Variants in ZNF512 observed in about 807,000 individuals in gnomAD.
ZNF512 encodes the protein zinc finger protein 512.
A neutral mutation model predicts 77.5 loss-of-function variants in ZNF512; 25 were observed. The observed-to-expected ratio is 0.32, with a 90% CI of 0.23 to 0.45. The LOEUF (loss-of-function observed/expected upper bound fraction) is 0.45. Ranked by LOEUF, ZNF512 falls within the 20% of genes least tolerant of loss-of-function variation. The pLI, the probability that ZNF512 is intolerant of heterozygous loss-of-function variation, is 1.00. For missense variants in ZNF512, 483 were observed against 692.6 expected (o/e 0.70, Z 3.40); for synonymous variants, 246 against 239.9 (o/e 1.03, Z -0.24).
At chr2:27,586,977 T>A (rs1382372213) in intron 2 of ZNF512, among the ~76,000 whole-genome samples, 1 of 152,234 alleles carries the variant, frequency 6.6e-6, no homozygotes, top group Non-Finnish European at 1.5e-5. Flanking sequence ...GATTGACATT[T>A]GAGTTATTTT....
At chr2:27,610,830 C>T (rs1672626663) in intron 10 of ZNF512, among the ~76,000 whole-genome samples, 2 of 151,594 alleles carry the variant, frequency 1.3e-5, no homozygotes, top group Non-Finnish European at 2.9e-5. Context: ...CCTCGGCCTC[C>T]TGAAGTGCTA....
intron 13 of ZNF512, among the ~76,000 whole-genome samples, chr2:27,618,781 A>G (rs1673002409): frequency 6.6e-6 from 1 of 152,244 alleles, no homozygotes; most frequent in African/African-American, 2.4e-5. Context: ...GTTTTTTAGT[A>G]ATACAGGTGA....
chr2:27,599,557 TG>T, intron 3 of ZNF512, 25 bp from the exon 4 acceptor site: 1 of 1,576,844 alleles, frequency 6.3e-7, no homozygotes, highest in African/African-American at 1.4e-5. Context: ...GCTGAGTTTT[TG>T]TTTTGTTTTT....
intron 7 of ZNF512, among the ~76,000 whole-genome samples, chr2:27,601,938 C>T (rs1430786643): frequency 1.3e-5 from 2 of 152,080 alleles, no homozygotes; most frequent in African/African-American, 2.4e-5. Flanking sequence ...CGTGAGCCAT[C>T]GCGCCCAGAA....
intron 9 of ZNF512, among the ~76,000 whole-genome samples, 167 bp downstream of exon 9, chr2:27,603,474 T>C (rs1013292365): frequency 6.6e-6 from 1 of 152,118 alleles, no homozygotes; most frequent in African/African-American, 2.4e-5. Flanking sequence ...TATTTCTGCC[T>C]TTTTAACATT....
At chr2:27,613,306 G>A (rs1367739748) in intron 10 of ZNF512, among the ~76,000 whole-genome samples, 1 of 151,954 alleles carries the variant, frequency 6.6e-6, no homozygotes, top group African/African-American at 2.4e-5. Flanking sequence ...GACCATCCTG[G>A]CCAACATGGT....
chr2:27,592,051 G>A (rs903081321), intron 2 of ZNF512, among the ~76,000 whole-genome samples: 4 of 151,900 alleles, frequency 2.6e-5, no homozygotes, highest in African/African-American at 4.8e-5. Context: ...ATGCAGTGGC[G>A]CAACCTCTGC....
At chr2:27,617,597 C>T (rs1416065013) in intron 13 of ZNF512, 26 bp downstream of exon 13, 2 of 855,084 alleles carry the variant, frequency 2.3e-6, no homozygotes, top group South Asian at 2.6e-5. Flanking sequence ...TCCTGTGGGC[C>T]TGATATGTAA....
intron 1 of ZNF512, 124 bp downstream of exon 1, chr2:27,583,266 C>T (rs1049979109): frequency 9.1e-6 from 13 of 1,435,946 alleles, no homozygotes; most frequent in Non-Finnish European, 1.3e-5. Context: ...CCCCACCCTT[C>T]TAGATCAGAT....
intron 10 of ZNF512, among the ~76,000 whole-genome samples, chr2:27,613,355 G>A (rs1436020870): frequency 6.6e-6 from 1 of 152,018 alleles, no homozygotes; most frequent in African/African-American, 2.4e-5. Flanking sequence ...AATTAGCTGG[G>A]CATGGTGGCG....
intron 2 of ZNF512, among the ~76,000 whole-genome samples, chr2:27,588,243 C>G (rs1420369298): frequency 1.3e-5 from 2 of 151,860 alleles, no homozygotes; most frequent in Non-Finnish European, 2.9e-5. Flanking sequence ...ATTTAAGAAA[C>G]CTTTGCCTCC....
At chr2:27,612,314 C>G (rs1003785619) in intron 10 of ZNF512, among the ~76,000 whole-genome samples, 30 of 151,936 alleles carry the variant, frequency 2.0e-4, no homozygotes, top group Admixed American at 1.9e-3. Context: ...TTCCATTTTT[C>G]CTGCCCCAGC....
Position 27,617,309 on chromosome 2 carries a change from C to T in ZNF512, c.1297-164C>T. ...GGATGGATTTATGTTGATAATCATC[C>T]ATCCAAGCTGGTTTTCCTAAATCTA... On this transcript the variant is annotated intron_variant, in intron 12 of 13. Coordinates refer to ENST00000355467, the MANE Select transcript of ZNF512 (RefSeq NM_032434.4). 1.2e-5 allele frequency: 7 copies of T among 584,124 alleles called. No homozygotes were observed. In the South Asian group the frequency reaches 1.5e-4, roughly 12 times the overall value. The allele number at this position is 584,124 out of a possible 1,614,324, so 36.2% of individuals were successfully genotyped here.
intron 13 of ZNF512, among the ~76,000 whole-genome samples, chr2:27,619,277 C>T (rs1488739608): frequency 1.3e-5 from 2 of 152,020 alleles, no homozygotes; most frequent in African/African-American, 2.4e-5. Context: ...GTGGCGGGCA[C>T]CTGTAATCCC....
intron 3 of ZNF512, 119 bp from the exon 4 acceptor site, chr2:27,599,464 C>G: frequency 1.4e-6 from 1 of 708,394 alleles, no homozygotes; most frequent in Non-Finnish European, 2.4e-6. Flanking sequence ...TCTCTGAGGC[C>G]TGTGTTCACT....
At chr2:27,590,072 G>C (rs1572904896) in intron 2 of ZNF512, among the ~76,000 whole-genome samples, 2 of 152,204 alleles carry the variant, frequency 1.3e-5, no homozygotes, top group African/African-American at 4.8e-5. Context: ...CTAGAGCAAG[G>C]TGGCTAATAG....
At chr2:27,604,003 T>G (rs907227686) in intron 9 of ZNF512, among the ~76,000 whole-genome samples, 1 of 152,166 alleles carries the variant, frequency 6.6e-6, no homozygotes, top group Non-Finnish European at 1.5e-5. Flanking sequence ...CTTGGCTCAC[T>G]GTGACCTCCG....
At chr2:27,615,361 C>G in intron 11 of ZNF512, 92 bp downstream of exon 11, 1 of 759,666 alleles carries the variant, frequency 1.3e-6, no homozygotes. Context: ...AGTACCTGAA[C>G]CTCAGTGGCT....
Position 27,592,343 on chromosome 2 carries a change from G to A in ZNF512, c.90-5724G>A, listed in dbSNP as rs150135395. Among the ~76,000 whole-genome samples, 1,467 of 149,860 alleles carry A rather than the reference G, an allele frequency of 9.8e-3. 25 individuals carry two copies. Among genetic ancestry groups the A allele is most frequent in the African/African-American group, 0.033 (1,352 of 40,590 alleles). ...TATTTTTTTTTTGAGATGGAGTCTC[G>A]CTCTGTAGCCCAGGGCAGCTGGAGT... On this transcript the variant is annotated intron_variant, in intron 2 of 13. Coordinates refer to ENST00000355467, the MANE Select transcript of ZNF512 (RefSeq NM_032434.4).
Sources: allele counts gnomAD v4.1 joint callset (sites outside exome capture counted in the v4.1 genomes callset), GRCh38; gene constraint gnomAD v4.1.1; transcripts MANE v1.5; gene names NCBI Gene and HGNC (gene_info 2026-07-23, HGNC 2026-07-21).